Variants in SLC36A1 observed in about 807,000 individuals in gnomAD.
SLC36A1 encodes proton-coupled amino acid transporter 1.
A neutral mutation model predicts 47.5 loss-of-function variants in SLC36A1; 30 were observed. That is an observed-to-expected ratio of 0.63 (90% CI 0.47 to 0.86). The LOEUF (loss-of-function observed/expected upper bound fraction) is 0.86. Ranked by LOEUF, SLC36A1 falls within the 40% of genes least tolerant of loss-of-function variation. The probability of loss-of-function intolerance (pLI) is 0.00; values close to 1 mark genes in which losing one functional copy is unlikely to be tolerated. For missense variants in SLC36A1, 517 were observed against 606.0 expected (o/e 0.85, Z 1.54); for synonymous variants, 255 against 249.7 (o/e 1.02, Z -0.20).
the SLC36A1 span, among the ~76,000 whole-genome samples, chr5:151,522,488 C>T: frequency 6.6e-6 from 1 of 152,216 alleles, no homozygotes; most frequent in East Asian, 1.9e-4. Context: ...GCACCCTGCT[C>T]AGCCTACGAA....
At chr5:151,479,688 C>A in intron 10 of SLC36A1, 199 bp downstream of exon 10, 1 of 586,384 alleles carries the variant, frequency 1.7e-6, no homozygotes, top group Non-Finnish European at 3.0e-6. Context: ...CTGTAAAGAA[C>A]ATGGGAATGA....
chr5:151,467,841 C>T lies in SLC36A1; in HGVS notation c.639C>T (p.Asn213=). ...PFLVLLVFIR[N]LRALSIFSLL... The stretch of plus-strand genomic sequence containing the variant: ...TGGTGCTGCTGGTTTTCATCAGGAA[C>T]CTCCGAGCCCTGTCCATCTTCTCCC... The change falls in exon 7 of 11, where the codon AAC becomes AAT. Residue 213 remains asparagine (N), a synonymous_variant. Transcript: ENST00000243389. 5 of 1,614,034 alleles carry T rather than the reference C, an allele frequency of 3.1e-6. No homozygotes were observed. Among genetic ancestry groups the T allele is most frequent in the Non-Finnish European group, 4.2e-6 (5 of 1,179,992 alleles).
At chr5:151,433,361 G>A (rs543895738), upstream of SLC36A1, among the ~76,000 whole-genome samples, 23 of 127,138 alleles carry the variant, frequency 1.8e-4, no homozygotes, top group African/African-American at 5.4e-4. Context: ...TTGGCTCACC[G>A]CAACCTCTGC....
At chr5:151,493,823 C>T (rs776434169), downstream of SLC36A1, among the ~76,000 whole-genome samples, 2 of 152,126 alleles carry the variant, frequency 1.3e-5, no homozygotes, top group African/African-American at 2.4e-5. Context: ...TGGGAATTGT[C>T]CTGAGGGTTA....
chr5:151,417,995 T>C, the SLC36A1 span, among the ~76,000 whole-genome samples: 2 of 152,244 alleles, frequency 1.3e-5, no homozygotes, highest in African/African-American at 4.8e-5. Context: ...CAGCTATGGC[T>C]AAAAGGTGCC....
chr5:151,481,816 G>A (rs1758837753), intron 10 of SLC36A1, among the ~76,000 whole-genome samples: 1 of 152,134 alleles, frequency 6.6e-6, no homozygotes, highest in South Asian at 2.1e-4. Flanking sequence ...ATATCGGACA[G>A]TATCTACTTC....
At chr5:151,362,628 C>T in the SLC36A1 span, among the ~76,000 whole-genome samples, 409 of 152,134 alleles carry the variant, frequency 2.7e-3, 6 homozygotes, top group African/African-American at 9.2e-3. Flanking sequence ...TGACCTCAGG[C>T]GATCTCCCTG....
At chr5:151,517,978 C>T in the SLC36A1 span, among the ~76,000 whole-genome samples, 2 of 152,146 alleles carry the variant, frequency 1.3e-5, no homozygotes, top group African/African-American at 4.8e-5. Flanking sequence ...TTGTTGACTG[C>T]AGGGACCCCT....
In SLC36A1 at chr5:151,458,943, G is replaced by A. The variant is rs760038862; in HGVS notation, c.143+8G>A. On this transcript the variant is annotated splice_region_variant and intron_variant, in intron 2 of 10. Coordinates refer to ENST00000243389, the MANE Select transcript of SLC36A1 (RefSeq NM_078483.4). ...TCAAAGCAATAGCACAACGTGAGTA[G>A]CTGTTACCTTCTCCTCTCCTGGGTG... The A allele has an allele frequency of 5.0e-6, 8 of 1,601,752 alleles. No homozygotes were observed. Among genetic ancestry groups the A allele is most frequent in the East Asian group, 2.2e-5 (1 of 44,610 alleles).
At chr5:151,500,790 C>T in the SLC36A1 span, among the ~76,000 whole-genome samples, 37 of 152,314 alleles carry the variant, frequency 2.4e-4, no homozygotes, top group African/African-American at 6.3e-4. Flanking sequence ...GTGACGGTCA[C>T]GATGGTGAAC....
At chr5:151,483,956 AT>A (rs1759174959) in intron 10 of SLC36A1, among the ~76,000 whole-genome samples, 1 of 152,196 alleles carries the variant, frequency 6.6e-6, no homozygotes, top group African/African-American at 2.4e-5. Flanking sequence ...TAAAATCTCT[AT>A]TAAGGATATT....
the SLC36A1 span, among the ~76,000 whole-genome samples, chr5:151,547,938 A>ATG: frequency 6.6e-6 from 1 of 152,340 alleles, no homozygotes; most frequent in Admixed American, 6.5e-5. Context: ...AAAAATGAGC[A>ATG]TGTGTTACTT....
the SLC36A1 span, among the ~76,000 whole-genome samples, chr5:151,375,952 T>TTTG: frequency 6.6e-6 from 1 of 152,220 alleles, no homozygotes; most frequent in Non-Finnish European, 1.5e-5. Flanking sequence ...ACAGAGGTAC[T>TTTG]TTAACTTCCC....
the SLC36A1 span, among the ~76,000 whole-genome samples, chr5:151,424,853 TAAACAG>T: frequency 6.6e-6 from 1 of 150,442 alleles, no homozygotes; most frequent in African/African-American, 2.5e-5. Context: ...TGACTGTAAA[TAAACAG>T]AAAGTTTTTA....
chr5:151,538,192 G>C, the SLC36A1 span, among the ~76,000 whole-genome samples: 1 of 152,198 alleles, frequency 6.6e-6, no homozygotes, highest in Non-Finnish European at 1.5e-5. Flanking sequence ...AAAACAGGAA[G>C]AGGATGACAA....
chr5:151,444,790 T>A (rs1323685906), upstream of SLC36A1, among the ~76,000 whole-genome samples: 1 of 152,252 alleles, frequency 6.6e-6, no homozygotes, highest in African/African-American at 2.4e-5. Flanking sequence ...CAGTCATGTA[T>A]GTTGATTTTT....
intron 1 of SLC36A1, among the ~76,000 whole-genome samples, chr5:151,437,930 T>C (rs916400460): frequency 1.3e-5 from 2 of 152,200 alleles, no homozygotes; most frequent in African/African-American, 4.8e-5. Context: ...TGCGTTTCCT[T>C]GGCTCATGGC....
chr5:151,443,358 C>T (rs933222848), upstream of SLC36A1, among the ~76,000 whole-genome samples: 2 of 152,130 alleles, frequency 1.3e-5, no homozygotes, highest in Non-Finnish European at 1.5e-5. Flanking sequence ...TGATAATATC[C>T]AACCTAACAT....
At chr5:151,543,303 C>T in the SLC36A1 span, 70 of 1,614,070 alleles carry the variant, frequency 4.3e-5, no homozygotes, top group Non-Finnish European at 5.7e-5. Flanking sequence ...CATCATAGGC[C>T]AACACCTGGA....
Sources: gnomAD v4.1 joint callset for allele counts (sites outside exome capture counted in the v4.1 genomes callset) on GRCh38, gnomAD v4.1.1 for gene constraint, MANE v1.5 for transcripts, NCBI Gene and HGNC (gene_info 2026-07-23, HGNC 2026-07-21) for gene names.